COLEC12: variants seen among roughly 807,000 people sequenced by gnomAD.
COLEC12 encodes the protein collectin-12.
A neutral mutation model predicts 71.1 loss-of-function variants in COLEC12; 33 were observed. The observed-to-expected ratio is 0.46, with a 90% CI of 0.35 to 0.62. The LOEUF (loss-of-function observed/expected upper bound fraction) is 0.62, where lower values mean the gene tolerates loss of function less well. Ranked by LOEUF, COLEC12 falls within the 20% of genes least tolerant of loss-of-function variation. The pLI is 0.00. For synonymous variants in COLEC12, 350 were observed against 353.0 expected (o/e 0.99, Z 0.10); for missense variants, 765 against 916.1 (o/e 0.84, Z 2.13).
chr18:347,653 ATT>A (rs895623655), intron 4 of COLEC12, among the ~76,000 whole-genome samples: 15 of 151,522 alleles, frequency 9.9e-5, no homozygotes, highest in Non-Finnish European at 1.8e-4. Context: ...AATTTCCCAA[ATT>A]TTTTTTTAAT....
chr18:494,358 G>A (rs1917671512), intron 1 of COLEC12, among the ~76,000 whole-genome samples: 2 of 152,200 alleles, frequency 1.3e-5, no homozygotes, highest in Non-Finnish European at 2.9e-5. Flanking sequence ...GGAAGCAGCA[G>A]GTTATAATAC....
chr18:395,635 C>G (rs368254225), intron 2 of COLEC12, among the ~76,000 whole-genome samples: 1 of 152,092 alleles, frequency 6.6e-6, no homozygotes, highest in Non-Finnish European at 1.5e-5. Flanking sequence ...AGTTCCGAGG[C>G]GATTAGAGTC....
In COLEC12 at chr18:440,404, C is replaced by T. The variant is rs564465444; in HGVS notation, c.58+40303G>A. On this transcript the variant is annotated intron_variant, in intron 2 of 9. Coordinates refer to ENST00000400256, the MANE Select transcript of COLEC12 (RefSeq NM_130386.3). ...ACACACACACACACACACACACATA[C>T]ACAGGTAACTATGTGAAGGGATAAA... is the stretch of plus-strand genomic sequence containing the variant. 2.0e-4 allele frequency among the ~76,000 whole-genome samples: 31 copies of T among 151,808 alleles called. 1 individual carries two copies. The East Asian group carries it at 2.3e-3, about 11-fold the overall frequency.
chr18:342,901 G>A (rs1453682552), intron 5 of COLEC12, among the ~76,000 whole-genome samples: 1 of 152,176 alleles, frequency 6.6e-6, no homozygotes, highest in African/African-American at 2.4e-5. Flanking sequence ...TTTTCCATGA[G>A]TCGGAAACCT....
At chr18:357,310 T>C in intron 3 of COLEC12, 90 bp downstream of exon 3, 1 of 1,250,850 alleles carries the variant, frequency 8.0e-7, no homozygotes, top group Non-Finnish European at 1.1e-6. Flanking sequence ...ATGAATGAAA[T>C]ACTTCGTATT....
At chr18:456,431 G>A (rs1916873248) in intron 2 of COLEC12, among the ~76,000 whole-genome samples, 1 of 152,150 alleles carries the variant, frequency 6.6e-6, no homozygotes, top group Non-Finnish European at 1.5e-5. Flanking sequence ...CAGATGAGAC[G>A]CTTTACACAA....
chr18:320,101 TTAAATAA>T (rs761171011), intron 9 of COLEC12, 37 bp from the exon 10 acceptor site: 4 of 1,290,626 alleles, frequency 3.1e-6, no homozygotes, highest in Non-Finnish European at 4.4e-6. Context: ...TTAGTTTTTC[TTAAATAA>T]TAAAGTTAAT....
intron 2 of COLEC12, among the ~76,000 whole-genome samples, chr18:394,259 G>A (rs1414977820): frequency 2.0e-5 from 3 of 152,216 alleles, no homozygotes; most frequent in South Asian, 2.1e-4. Context: ...GAGGGTGGGA[G>A]GCAACCTGGT....
intron 2 of COLEC12, among the ~76,000 whole-genome samples, chr18:452,131 A>G (rs952241060): frequency 3.9e-5 from 6 of 152,244 alleles, no homozygotes; most frequent in Non-Finnish European, 5.9e-5. Flanking sequence ...CAGAATAGAT[A>G]TTGTTGAGTG....
chr18:333,275 A>C (rs1232483611), intron 6 of COLEC12, 132 bp from the exon 7 acceptor site: 3 of 709,972 alleles, frequency 4.2e-6, no homozygotes, highest in Non-Finnish European at 6.9e-6. Flanking sequence ...CGAGGCCCAC[A>C]GCTGACGTTC....
At chr18:377,054 G>A (rs186524462) in intron 2 of COLEC12, among the ~76,000 whole-genome samples, 33 of 152,326 alleles carry the variant, frequency 2.2e-4, no homozygotes, top group Admixed American at 1.5e-3. Context: ...GGGTTCCCCT[G>A]CACGTGTCAT....
At chr18:411,627 G>A (rs1351472567) in intron 2 of COLEC12, among the ~76,000 whole-genome samples, 1 of 152,202 alleles carries the variant, frequency 6.6e-6, no homozygotes, top group Admixed American at 6.5e-5. Context: ...AGAGCAGGCT[G>A]AGCACAGTGG....
At chr18:435,952 G>A (rs528358820) in intron 2 of COLEC12, among the ~76,000 whole-genome samples, 1 of 152,252 alleles carries the variant, frequency 6.6e-6, no homozygotes, top group Admixed American at 6.5e-5. Flanking sequence ...CTTAATAACT[G>A]TTCACCTTTC....
chr18:433,427 T>C (rs963323403), intron 2 of COLEC12, among the ~76,000 whole-genome samples: 2 of 152,104 alleles, frequency 1.3e-5, no homozygotes, highest in African/African-American at 2.4e-5. Flanking sequence ...GACTGGTAAG[T>C]CCCGAGAAAC....
intron 2 of COLEC12, among the ~76,000 whole-genome samples, chr18:388,144 G>A (rs1915386599): frequency 6.6e-6 from 1 of 152,162 alleles, no homozygotes; most frequent in Admixed American, 6.5e-5. Context: ...AGCAGGAGGG[G>A]TAAGGAACAA....
At chr18:380,496 A>T (rs79445645) in intron 2 of COLEC12, among the ~76,000 whole-genome samples, 29 of 2,450 alleles carry the variant, frequency 0.012, no homozygotes, top group Non-Finnish European at 1.2e-3. Context: ...GTATCTTTTC[A>T]TCAACGGTGC....
intron 1 of COLEC12, among the ~76,000 whole-genome samples, chr18:498,319 G>A (rs186529246): frequency 6.6e-5 from 10 of 151,092 alleles, no homozygotes; most frequent in South Asian, 6.3e-4. Context: ...TACAGATTAC[G>A]TGGTAATAAT....
intron 2 of COLEC12, among the ~76,000 whole-genome samples, chr18:475,283 T>C (rs1024527905): frequency 6.6e-5 from 10 of 152,016 alleles, no homozygotes; most frequent in Admixed American, 3.9e-4. Context: ...TTGGAAAAGG[T>C]GCCTCTGGAA....
chr18:488,887 AAAAAG>A (rs886077576), intron 1 of COLEC12, among the ~76,000 whole-genome samples: 2 of 151,714 alleles, frequency 1.3e-5, no homozygotes, highest in African/African-American at 4.8e-5. Context: ...AAAAGAAAAA[AAAAAG>A]AAAAGAAAAT....
Sources: gnomAD v4.1 joint callset for allele counts (sites outside exome capture counted in the v4.1 genomes callset) on GRCh38, gnomAD v4.1.1 for gene constraint, MANE v1.5 for transcripts, NCBI Gene and HGNC (gene_info 2026-07-23, HGNC 2026-07-21) for gene names.